SYNE2: variants seen among roughly 807,000 people sequenced by gnomAD.
The protein encoded by SYNE2 is nesprin-2.
In SYNE2, 431 loss-of-function variants were observed where a neutral mutation model predicts 856.3. That is an observed-to-expected ratio of 0.50 (90% CI 0.47 to 0.55). The LOEUF is 0.55. SYNE2 is among the 20% of genes least tolerant of loss of function. The pLI is 0.00. For synonymous variants in SYNE2, 2,923 were observed against 2,872.3 expected (o/e 1.02, Z -0.56); for missense variants, 8,129 against 8,023.2 (o/e 1.01, Z -0.50).
intron 1 of SYNE2, among the ~76,000 whole-genome samples, chr14:63,858,150 C>T (rs1281792843): frequency 6.6e-6 from 1 of 151,264 alleles, no homozygotes; most frequent in African/African-American, 2.4e-5. Flanking sequence ...CAGTCTCACT[C>T]TGTCACCCAG....
At chr14:63,863,144 A>C (rs1453340161) in intron 1 of SYNE2, among the ~76,000 whole-genome samples, 1 of 152,170 alleles carries the variant, frequency 6.6e-6, no homozygotes. Flanking sequence ...CTCAGTACTC[A>C]TTTCAGCAGT....
chr14:64,090,721 T>C (rs950275115), intron 59 of SYNE2, 145 bp from the exon 60 acceptor site: 13 of 747,276 alleles, frequency 1.7e-5, no homozygotes, highest in Middle Eastern at 3.9e-4. Context: ...ATGAGTGATA[T>C]AATAGTTCTT....
chr14:63,953,989 C>G (rs546173677), intron 7 of SYNE2, among the ~76,000 whole-genome samples: 1 of 152,300 alleles, frequency 6.6e-6, no homozygotes, highest in Admixed American at 6.5e-5. Flanking sequence ...TTGTAGCTCA[C>G]TGCAGCTTCA....
At chr14:64,118,978 G>A (rs2097876566) in intron 66 of SYNE2, among the ~76,000 whole-genome samples, 1 of 152,042 alleles carries the variant, frequency 6.6e-6, no homozygotes, top group African/African-American at 2.4e-5. Flanking sequence ...ATTCACTCCT[G>A]ATAATGACCT....
At chr14:64,045,740 T>C (rs1363464167) in intron 45 of SYNE2, among the ~76,000 whole-genome samples, 3 of 152,242 alleles carry the variant, frequency 2.0e-5, no homozygotes, top group Non-Finnish European at 4.4e-5. Flanking sequence ...AAATGCCAAT[T>C]AAGTACTTCA....
Position 64,220,550 on chromosome 14 carries a change from C to G in SYNE2, c.19974C>G (p.Leu6658=), listed in dbSNP as rs777596856. ...AATCCACAGAGCTCCAAAGTAGACTCCGCCAGCTGAGCCTGCTCTGGGAAG... is the reference window on the plus strand; with the variant it reads ...AATCCACAGAGCTCCAAAGTAGACTGCGCCAGCTGAGCCTGCTCTGGGAAG... The part of the protein sequence containing the change: ...SPESTELQSR[L]RQLSLLWEAA... Residue 6658 remains leucine, a synonymous_variant, in exon 111 of 116, where the codon CTC becomes CTG. Coordinates refer to ENST00000555002, the MANE Select transcript of SYNE2 (RefSeq NM_182914.3). 2 of 1,614,156 alleles carry G rather than the reference C, an allele frequency of 1.2e-6. No individual in the cohort carries two copies. Among genetic ancestry groups the G allele is most frequent in the Non-Finnish European group, 1.7e-6 (2 of 1,180,030 alleles).
intron 85 of SYNE2, among the ~76,000 whole-genome samples, chr14:64,156,892 C>T (rs1229825892): frequency 6.6e-6 from 1 of 152,212 alleles, no homozygotes; most frequent in Non-Finnish European, 1.5e-5. Flanking sequence ...TTTTATCCAG[C>T]CCTGTTTGGG....
At chr14:64,114,203 G>A (rs993693300) in intron 66 of SYNE2, among the ~76,000 whole-genome samples, 3 of 152,232 alleles carry the variant, frequency 2.0e-5, no homozygotes, top group African/African-American at 7.2e-5. Flanking sequence ...GCCGCTAGTC[G>A]CTCTGAGTAA....
Position 64,126,438 on chromosome 14 carries a change from C to T in SYNE2, c.13666C>T (p.Leu4556Phe). The part of the protein sequence containing the change: ...SVEEMLEMPR[L>F]YREDGSGQQV... ...GGAGGAGATGCTGGAGATGCCCAGA[C>T]TTTACAGGGAGGATGGTTCTGGCCA... Residue 4556 changes from leucine (L) to phenylalanine (F), a missense_variant, in exon 72 of 116, where the codon CTT (leucine) becomes TTT (phenylalanine). Around this residue, in one of 3 missense-constraint regions of SYNE2, gnomAD observed 5,410 missense variants for 5,284.8 expected, o/e 1.02. Transcript: ENST00000555002. 6.2e-7 allele frequency: 1 copy of T among 1,614,166 alleles called. No homozygotes were observed.
intron 21 of SYNE2, among the ~76,000 whole-genome samples, chr14:63,991,901 C>T (rs2096669438): frequency 6.6e-6 from 1 of 152,138 alleles, no homozygotes; most frequent in Non-Finnish European, 1.5e-5. Context: ...TGAAAGGGCG[C>T]CCTATAGGAG....
intron 19 of SYNE2, among the ~76,000 whole-genome samples, chr14:63,990,071 T>C (rs1276981947): frequency 6.6e-6 from 1 of 152,248 alleles, no homozygotes; most frequent in Non-Finnish European, 1.5e-5. Flanking sequence ...CCCAGTAACA[T>C]TTATTGAATT....
At chr14:63,837,680 C>G (rs1168448219) in intron 1 of SYNE2, among the ~76,000 whole-genome samples, 1 of 151,910 alleles carries the variant, frequency 6.6e-6, no homozygotes, top group African/African-American at 2.4e-5. Flanking sequence ...TTTAAGAGGC[C>G]AAGGCAGGTG....
At chr14:63,907,296 T>C (rs1442744182) in intron 1 of SYNE2, among the ~76,000 whole-genome samples, 1 of 152,358 alleles carries the variant, frequency 6.6e-6, no homozygotes, top group East Asian at 1.9e-4. Context: ...AAATGACATA[T>C]GGCAAACTCT....
In SYNE2 at chr14:64,120,809, C is replaced by G. The variant is rs79872423; in HGVS notation, c.13024-118C>G. ...TATAGTATATAATTATAGCAAATAA[C>G]AAAATACCATCATTTATTTCATGTA... On this transcript the variant is annotated intron_variant, in intron 67 of 115. Transcript: ENST00000555002. 0.1 allele frequency: 112,378 copies of G among 1,095,138 alleles called. 6,848 individuals carry two copies. The highest frequency in any genetic ancestry group is 0.24 in the East Asian group (9,837 of 40,818). The allele number at this position is 1,095,138 out of a possible 1,614,324, so 67.8% of individuals were successfully genotyped here.
intron 1 of SYNE2, among the ~76,000 whole-genome samples, chr14:63,867,291 A>G (rs560019121): frequency 6.6e-6 from 1 of 152,044 alleles, no homozygotes. Flanking sequence ...CATTCAACAT[A>G]TGAAGTAGTT....
At chr14:63,858,262 C>CTTTTTTTTTTT (rs61091259) in intron 1 of SYNE2, among the ~76,000 whole-genome samples, 22 of 52,934 alleles carry the variant, frequency 4.2e-4, no homozygotes, top group East Asian at 2.7e-3. Flanking sequence ...CCACACCGGC[C>CTTTTTTTTTTT]TTTTTTTTTT....
intron 76 of SYNE2, among the ~76,000 whole-genome samples, chr14:64,131,188 T>C (rs1002028130): frequency 6.6e-6 from 1 of 152,112 alleles, no homozygotes; most frequent in Non-Finnish European, 1.5e-5. Flanking sequence ...AAAATAATAT[T>C]GATTATCTGC....
At chr14:63,994,114 A>G (rs966529028) in intron 22 of SYNE2, 145 bp downstream of exon 22, 7 of 806,248 alleles carry the variant, frequency 8.7e-6, no homozygotes, top group Admixed American at 7.1e-5. Flanking sequence ...CAGGGTTCAT[A>G]CAGAGTTTCA....
rs773914389 is a variant in SYNE2 at position 64,052,818 on chromosome 14, C to T, written c.8905C>T (p.Leu2969Phe). ...CAGTATACAGCGCAATGAACTATTACTTAATCAAGAAGTAAATAAAGGTGT... is the reference window on the plus strand; with the variant it reads ...CAGTATACAGCGCAATGAACTATTATTTAATCAAGAAGTAAATAAAGGTGT... ...ADSIQRNELL[L>F]NQEVNKGVKE... The change falls in exon 48 of 116, where the codon CTT becomes TTT. Residue 2969 changes from leucine to phenylalanine, a missense_variant. Leu to Phe is a conservative substitution (Grantham distance 22, BLOSUM62 0). This residue lies in a region of SYNE2 where 5,410 missense variants were observed against 5,284.8 expected (regional missense o/e 1.02). Transcript: ENST00000555002. 1.9e-6 allele frequency: 3 copies of T among 1,612,452 alleles called. No homozygotes were observed. The highest frequency in any genetic ancestry group is 1.3e-5 in the African/African-American group (1 of 74,838).
Sources: gnomAD v4.1 joint callset for allele counts (sites outside exome capture counted in the v4.1 genomes callset) on GRCh38, gnomAD v4.1.1 for gene constraint, gnomAD v4.1.1 regional missense constraint, MANE v1.5 for transcripts, NCBI Gene and HGNC (gene_info 2026-07-23, HGNC 2026-07-21) for gene names.